The following ST6GALNAC5 variants were observed in gnomAD, a reference collection of about 807,000 sequenced individuals.
ST6GALNAC5 encodes the protein ST6 N-acetylgalactosaminide alpha-2,6-sialyltransferase 5, also known as alpha-N-acetylgalactosaminide alpha-2,6-sialyltransferase 5.
Under a neutral mutation model 33.6 loss-of-function variants are expected in ST6GALNAC5, and 27 were observed. The observed-to-expected ratio is 0.80, with a 90% CI of 0.59 to 1.11. The LOEUF (loss-of-function observed/expected upper bound fraction) is 1.11. Ranked by LOEUF, ST6GALNAC5 falls within the 50% of genes least tolerant of loss-of-function variation. ST6GALNAC5 has a pLI of 0.00. For missense variants in ST6GALNAC5, 428 were observed against 454.0 expected (o/e 0.94, Z 0.52); for synonymous variants, 194 against 171.2 (o/e 1.13, Z -1.04).
At chr1:76,898,580 G>A (rs573774600) in intron 2 of ST6GALNAC5, among the ~76,000 whole-genome samples, 3 of 152,256 alleles carry the variant, frequency 2.0e-5, no homozygotes, top group South Asian at 2.1e-4. Context: ...GCTGCCGAAC[G>A]AGCCATGAAC....
At chr1:76,931,142 T>C (rs1044356168) in intron 2 of ST6GALNAC5, among the ~76,000 whole-genome samples, 6 of 152,144 alleles carry the variant, frequency 3.9e-5, no homozygotes, top group African/African-American at 1.4e-4. Context: ...GCAAGAGACT[T>C]CTGGCAGCTT....
chr1:76,962,343 C>A (rs1228731951), intron 2 of ST6GALNAC5, among the ~76,000 whole-genome samples: 4 of 152,112 alleles, frequency 2.6e-5, no homozygotes, highest in Non-Finnish European at 4.4e-5. Flanking sequence ...TGGATGACCC[C>A]AGATTAAATG....
chr1:76,947,147 C>A (rs1267781739), intron 2 of ST6GALNAC5, among the ~76,000 whole-genome samples: 1 of 151,954 alleles, frequency 6.6e-6, no homozygotes, highest in African/African-American at 2.4e-5. Flanking sequence ...TAGACATTAA[C>A]CAACCAAAGT....
At chr1:76,998,898 T>A (rs965034751) in intron 2 of ST6GALNAC5, among the ~76,000 whole-genome samples, 1 of 152,150 alleles carries the variant, frequency 6.6e-6, no homozygotes, top group Non-Finnish European at 1.5e-5. Context: ...GCCAGCCTGT[T>A]ATAGAAGACA....
chr1:76,952,061 G>A (rs187774472), intron 2 of ST6GALNAC5, among the ~76,000 whole-genome samples: 3 of 152,200 alleles, frequency 2.0e-5, no homozygotes, highest in Admixed American at 2.0e-4. Flanking sequence ...ATGATGTAAT[G>A]TCTACAAACA....
At chr1:76,896,098 A>G (rs1654127084) in intron 2 of ST6GALNAC5, among the ~76,000 whole-genome samples, 3 of 152,186 alleles carry the variant, frequency 2.0e-5, no homozygotes, top group Non-Finnish European at 4.4e-5. Flanking sequence ...GGCTGATTTG[A>G]CTAATAAAGG....
rs185786560 is a variant in ST6GALNAC5 at position 77,013,723 on chromosome 1, G to A, written c.262-30481G>A. On this transcript the variant is annotated intron_variant, in intron 2 of 4. Coordinates refer to ENST00000477717, the MANE Select transcript of ST6GALNAC5 (RefSeq NM_030965.3). ...TATATTTATTTGCATTGACACGGGG[G>A]CTCACCACCTTAAGTGAAAGGATAA... Among the ~76,000 whole-genome samples the A allele has an allele frequency of 6.6e-5, 10 of 152,312 alleles. No individual in the cohort carries two copies. In the East Asian group the frequency reaches 1.7e-3, roughly 26 times the overall value.
chr1:76,943,079 C>G (rs1647393631), intron 2 of ST6GALNAC5, among the ~76,000 whole-genome samples: 1 of 152,090 alleles, frequency 6.6e-6, no homozygotes, highest in South Asian at 2.1e-4. Context: ...ACTTTTGTCT[C>G]CTCTCCTTCC....
intron 4 of ST6GALNAC5, among the ~76,000 whole-genome samples, chr1:77,053,791 A>G (rs944448533): frequency 1.3e-5 from 2 of 152,210 alleles, no homozygotes; most frequent in African/African-American, 4.8e-5. Flanking sequence ...ACTGATCTGC[A>G]GTTGTGGATG....
At chr1:77,031,873 T>C (rs1651470725) in intron 2 of ST6GALNAC5, among the ~76,000 whole-genome samples, 2 of 152,130 alleles carry the variant, frequency 1.3e-5, no homozygotes, top group Admixed American at 6.5e-5. Flanking sequence ...CTTGCAACTT[T>C]GTAGGAAAGA....
intron 2 of ST6GALNAC5, among the ~76,000 whole-genome samples, chr1:76,975,342 T>C (rs892923451): frequency 2.0e-5 from 3 of 152,182 alleles, no homozygotes; most frequent in African/African-American, 4.8e-5. Flanking sequence ...TATATTACTT[T>C]CCCTTACTGA....
chr1:77,005,634 C>T (rs1055836910), intron 2 of ST6GALNAC5, among the ~76,000 whole-genome samples: 10 of 152,294 alleles, frequency 6.6e-5, no homozygotes, highest in Admixed American at 1.3e-4. Context: ...GCAACCAATA[C>T]CACTATCCAC....
At chr1:77,023,168 A>G (rs1161932738) in intron 2 of ST6GALNAC5, among the ~76,000 whole-genome samples, 1 of 152,064 alleles carries the variant, frequency 6.6e-6, no homozygotes, top group African/African-American at 2.4e-5. Context: ...ATCTGCCAAC[A>G]CCTTGATCTT....
chr1:76,993,097 T>C (rs1017051339), intron 2 of ST6GALNAC5, among the ~76,000 whole-genome samples: 1 of 152,220 alleles, frequency 6.6e-6, no homozygotes, highest in Non-Finnish European at 1.5e-5. Flanking sequence ...GTTTTCTGTG[T>C]GCCATGCCCC....
intron 2 of ST6GALNAC5, among the ~76,000 whole-genome samples, chr1:76,989,954 T>A (rs1649659661): frequency 6.6e-6 from 1 of 152,156 alleles, no homozygotes; most frequent in Non-Finnish European, 1.5e-5. Context: ...GGTCTTGAGA[T>A]CTGTCTTTAG....
In ST6GALNAC5 at chr1:76,868,694, C is replaced by A. The variant is rs778593300; in HGVS notation, c.213C>A (p.Pro71=). ...GCACCCAGCAGCGCCCCGGGGTCCC[C>A]GCGGGACCGCGGCCACTGGACGGAT... The part of the protein sequence containing the change: ...ESSTQQRPGV[P]AGPRPLDGYL... Residue 71 remains proline (P), a synonymous_variant, in exon 2 of 5, where the codon CCC becomes CCA. Coordinates refer to ENST00000477717, the MANE Select transcript of ST6GALNAC5 (RefSeq NM_030965.3). This position sits in a 1 kb window ranked among gnomAD's most constrained non-coding sequence, Gnocchi z 4.3. The A allele has an allele frequency of 5.1e-5, 79 of 1,538,838 alleles. No individual in the cohort carries two copies. Among genetic ancestry groups the A allele is most frequent in the Non-Finnish European group, 6.3e-5 (72 of 1,143,248 alleles).
chr1:76,963,997 A>G (rs1256213357), intron 2 of ST6GALNAC5, among the ~76,000 whole-genome samples: 1 of 152,158 alleles, frequency 6.6e-6, no homozygotes, highest in Non-Finnish European at 1.5e-5. Context: ...GGAGGGGGCC[A>G]TGAGCCAAGG....
At chr1:76,871,534 C>T (rs1287512912) in intron 2 of ST6GALNAC5, among the ~76,000 whole-genome samples, 1 of 152,166 alleles carries the variant, frequency 6.6e-6, no homozygotes. Context: ...TCCTAATCCC[C>T]AGCACCTGAA....
intron 2 of ST6GALNAC5, among the ~76,000 whole-genome samples, chr1:77,012,110 C>T (rs561127228): frequency 2.6e-4 from 39 of 152,134 alleles, no homozygotes; most frequent in African/African-American, 8.0e-4. Context: ...ATCCAAGTGG[C>T]CTGAAGCTTT....
Sources: gnomAD v4.1 joint callset for allele counts (sites outside exome capture counted in the v4.1 genomes callset) on GRCh38, gnomAD v4.1.1 for gene constraint, Gnocchi (gnomAD v3.1) non-coding constraint, MANE v1.5 for transcripts, NCBI Gene and HGNC (gene_info 2026-07-23, HGNC 2026-07-21) for gene names.